E4F1: variants seen among roughly 807,000 people sequenced by gnomAD.
The protein encoded by E4F1 is transcription factor E4F1.
Under a neutral mutation model 72.9 loss-of-function variants are expected in E4F1, and 30 were observed. The observed-to-expected ratio is 0.41, with a 90% CI of 0.31 to 0.56. The LOEUF is 0.56. Ranked by LOEUF, E4F1 falls within the 20% of genes least tolerant of loss-of-function variation. The pLI is 0.25. For missense variants in E4F1, 1,091 were observed against 1,117.5 expected (o/e 0.98, Z 0.34); for synonymous variants, 542 against 478.2 (o/e 1.13, Z -1.74).
Position 2,232,259 on chromosome 16 carries a change from G to T in E4F1, c.504G>T (p.Gln168His). ...CCGAGGCCCCGGGCAGCCCCCGCCA[G>T]CAGGGGCTGGGGCTCGCAGGGGAGG... ...EMAEAPGSPR[Q>H]QGLGLAGEGE... The change falls in exon 4 of 14, where the codon CAG (glutamine) becomes CAT (histidine). Residue 168 changes from glutamine (Q) to histidine (H), a missense_variant. Coordinates refer to ENST00000301727, the MANE Select transcript of E4F1 (RefSeq NM_004424.5). The T allele has an allele frequency of 6.2e-7, 1 of 1,612,512 alleles. No homozygotes were observed.
chr16:2,230,425 G>A (rs1400725792), intron 3 of E4F1: 2 of 153,420 alleles, frequency 1.3e-5, no homozygotes, highest in African/African-American at 2.4e-5. Context: ...CGGCAGGGGC[G>A]AGTGGCTAGG....
intron 7 of E4F1, 82 bp from the exon 8 acceptor site, chr16:2,233,356 C>T: frequency 1.4e-6 from 2 of 1,431,408 alleles, no homozygotes; most frequent in Admixed American, 2.7e-5. Context: ...TTGCACAAGG[C>T]TCCTGGCGTG....
rs2093488122 is a variant in E4F1 at position 2,234,254 on chromosome 16, C to G, written c.1459C>G (p.Arg487Gly). Reference protein sequence around the residue: ...LLKKHQEVHVRERRFRCGDCG... With the variant: ...LLKKHQEVHVGERRFRCGDCG... ...CAAGAAGCACCAGGAGGTGCACGTGCGTGAGCGCCGCTTCCGCTGTGGCGA... is the reference window on the plus strand; with the variant it reads ...CAAGAAGCACCAGGAGGTGCACGTGGGTGAGCGCCGCTTCCGCTGTGGCGA... Residue 487 changes from arginine to glycine, a missense_variant, in exon 10 of 14, where the codon CGT (arginine) becomes GGT (glycine). This residue lies in a region of E4F1 where 622 missense variants were observed against 628.0 expected (regional missense o/e 0.99). Transcript: ENST00000301727. 1.2e-6 allele frequency: 2 copies of G among 1,612,780 alleles called. No individual in the cohort carries two copies. The highest frequency in any genetic ancestry group is 8.5e-7 in the Non-Finnish European group (1 of 1,179,966).
chr16:2,229,638 T>C lies in E4F1; in HGVS notation c.378T>C (p.Ser126=), dbSNP rs779227164. The C allele has an allele frequency of 3.1e-6, 5 of 1,613,002 alleles. No homozygotes were observed. The Admixed American group carries it at 8.3e-5, about 27-fold the overall frequency. Residue 126 remains serine, a synonymous_variant, in exon 3 of 14, where the codon TCT becomes TCC. Transcript: ENST00000301727. ...TVAHIVVEAA[S]LAADISHASD... ...CCCACATCGTGGTGGAGGCGGCCTC[T>C]CTGGCAGCAGACATCAGCCACGCAT...
Position 2,234,360 on chromosome 16 carries a change from C to A in E4F1, c.1565C>A (p.Pro522His). The A allele has an allele frequency of 6.2e-7, 1 of 1,612,962 alleles. No homozygotes were observed. Residue 522 changes from proline to histidine, a missense_variant, in exon 10 of 14, where the codon CCC (proline) becomes CAC (histidine). Pro to His is a moderately conservative substitution (Grantham distance 77). Transcript: ENST00000301727. Reference sequence around the variant, plus strand: ...TCAGACGAGCGGCCCTACCCTTGTCCCAAGTGTGGCAAGCGCTACAAGACT... The same window carrying A: ...TCAGACGAGCGGCCCTACCCTTGTCACAAGTGTGGCAAGCGCTACAAGACT... Reference protein sequence around the residue: ...VHSDERPYPCPKCGKRYKTKN... With the variant: ...VHSDERPYPCHKCGKRYKTKN...
At chr16:2,225,752 G>A (rs992708948) in intron 1 of E4F1, among the ~76,000 whole-genome samples, 4 of 146,618 alleles carry the variant, frequency 2.7e-5, no homozygotes, top group East Asian at 4.1e-4. Context: ...GAATACAGTC[G>A]TGCGCCACCG....
rs942760171 is a variant in E4F1 at position 2,235,336 on chromosome 16, G to A, written c.2119G>A (p.Ala707Thr). The part of the protein sequence containing the change: ...EETALGPEAA[A>T]ADTITIATPE... ...GACGGCGCTGGGCCCAGAGGCGGCT[G>A]CCGCCGACACCATCACCATCGCCAC... Residue 707 changes from alanine (A) to threonine (T), a missense_variant, in exon 14 of 14, where the codon GCC (alanine) becomes ACC (threonine). This residue lies in a region of E4F1 where 622 missense variants were observed against 628.0 expected (regional missense o/e 0.99). Transcript: ENST00000301727. 3 of 1,609,442 alleles carry A rather than the reference G, an allele frequency of 1.9e-6. No homozygotes were observed. Among genetic ancestry groups the A allele is most frequent in the Non-Finnish European group, 2.5e-6 (3 of 1,179,784 alleles).
At position 2,234,765 on chromosome 16, in the gene E4F1, G is replaced by A; in HGVS notation, c.1776G>A (p.Arg592=). ...TCGCCGAGCACGGCACGCTGAACCGGCACCTGCGCACCAAAGGTCTGGGCC... is the reference window on the plus strand; with the variant it reads ...TCGCCGAGCACGGCACGCTGAACCGACACCTGCGCACCAAAGGTCTGGGCC... ...RGFAEHGTLN[R]HLRTKGGCLL... The change falls in exon 11 of 14, where the codon CGG becomes CGA. Residue 592 remains arginine, a synonymous_variant. Transcript: ENST00000301727. 2.1e-6 allele frequency: 3 copies of A among 1,434,302 alleles called. No homozygotes were observed. The highest frequency in any genetic ancestry group is 2.1e-5 in the Admixed American group (1 of 47,558). 88.8% of individuals were successfully genotyped at this position (1,434,302 alleles called of 1,614,324 possible). A position where few individuals can be genotyped will look rare whatever the true frequency, so the allele number is the denominator to read the frequency against.
At chr16:2,228,838 CTT>C (rs1003433475) in intron 2 of E4F1, among the ~76,000 whole-genome samples, 1 of 152,200 alleles carries the variant, frequency 6.6e-6, no homozygotes, top group Non-Finnish European at 1.5e-5. Flanking sequence ...GCTTCTGTCT[CTT>C]TGGCTTATCT....
intron 2 of E4F1, 57 bp downstream of exon 2, chr16:2,228,580 G>A: frequency 6.3e-7 from 1 of 1,579,296 alleles, no homozygotes; most frequent in Non-Finnish European, 8.6e-7. Context: ...GGTGGGGGAG[G>A]TGGCCGCGCT....
intron 7 of E4F1, 66 bp from the exon 8 acceptor site, chr16:2,233,372 G>GC: frequency 6.9e-7 from 1 of 1,453,576 alleles, no homozygotes; most frequent in Non-Finnish European, 9.1e-7. Flanking sequence ...GCGTGCGTCT[G>GC]CCCCATGGGG....
At chr16:2,231,055 C>T (rs573733612) in intron 3 of E4F1, 2 of 152,556 alleles carry the variant, frequency 1.3e-5, no homozygotes, top group African/African-American at 4.8e-5. Flanking sequence ...TGCGGGCATC[C>T]TGGGTACTCT....
intron 3 of E4F1, chr16:2,231,788 G>T (rs60612119): frequency 0.013 from 2,670 of 207,818 alleles, 61 homozygotes; most frequent in African/African-American, 0.057. Flanking sequence ...GTTGGTGGGA[G>T]CAGTGGCAGG....
intron 8 of E4F1, 77 bp from the exon 9 acceptor site, chr16:2,233,805 G>T: frequency 6.9e-7 from 1 of 1,439,242 alleles, no homozygotes; most frequent in Non-Finnish European, 9.4e-7. Flanking sequence ...TGCCAGGGTG[G>T]GGCCCATGGT....
Position 2,234,279 on chromosome 16 carries a change from A to G in E4F1, c.1484A>G (p.Asp495Gly). 6.2e-7 allele frequency: 1 copy of G among 1,612,964 alleles called. No homozygotes were observed. The highest frequency in any genetic ancestry group is 8.5e-7 in the Non-Finnish European group (1 of 1,179,988). ...HVRERRFRCGDCGKLYKTIAH... is the reference protein window; with the variant it reads ...HVRERRFRCGGCGKLYKTIAH... ...CGTGAGCGCCGCTTCCGCTGTGGCG[A>G]CTGCGGGAAGCTCTACAAGACCATT... Residue 495 changes from aspartate (D) to glycine (G), a missense_variant, in exon 10 of 14, where the codon GAC becomes GGC. By Grantham distance (94) the Asp-to-Gly change is moderately conservative. This residue lies in a region of E4F1 where 622 missense variants were observed against 628.0 expected (regional missense o/e 0.99). Transcript: ENST00000301727.
At position 2,233,937 on chromosome 16, in the gene E4F1, G is replaced by A; in HGVS notation, c.1322G>A (p.Ser441Asn). 6.2e-7 allele frequency: 1 copy of A among 1,603,896 alleles called. No homozygotes were observed. Among genetic ancestry groups the A allele is most frequent in the Non-Finnish European group, 8.5e-7 (1 of 1,175,690 alleles). Residue 441 changes from serine to asparagine, a missense_variant, in exon 9 of 14, where the codon AGT (serine) becomes AAT (asparagine). This residue lies in a region of E4F1 where 622 missense variants were observed against 628.0 expected (regional missense o/e 0.99). Coordinates refer to ENST00000301727, the MANE Select transcript of E4F1 (RefSeq NM_004424.5). ...AGGACCCACCCATGTCCTCAGTGCAGTGAGACCTTCCCGACAGCAGCCACC... is the reference window on the plus strand; with the variant it reads ...AGGACCCACCCATGTCCTCAGTGCAATGAGACCTTCCCGACAGCAGCCACC... ...VPRTHPCPQCSETFPTAATLE... is the reference protein window; with the variant it reads ...VPRTHPCPQCNETFPTAATLE...
chr16:2,228,620 G>C, intron 2 of E4F1, 97 bp downstream of exon 2: 1 of 1,442,924 alleles, frequency 6.9e-7, no homozygotes, highest in Non-Finnish European at 9.4e-7. Context: ...CCGGTTCCGG[G>C]GGCCACGTGG....
intron 1 of E4F1, among the ~76,000 whole-genome samples, chr16:2,225,986 A>G (rs766620867): frequency 1.1e-4 from 16 of 151,888 alleles, no homozygotes; most frequent in Non-Finnish European, 1.5e-4. Context: ...ACAGCTTCTC[A>G]GGAGGCTGAG....
rs964563551 is a variant in E4F1, at chr16:2,235,699, A to C, written c.*127A>C. 3 of 759,152 alleles carry C rather than the reference A, an allele frequency of 4.0e-6. No homozygotes were observed. The highest frequency in any genetic ancestry group is 6.2e-6 in the Non-Finnish European group (3 of 485,852). 47.0% of individuals were successfully genotyped at this position (759,152 alleles called of 1,614,324 possible). Reference sequence around the variant, plus strand: ...AGGCGCCCCAAGACGGACAGTGTACATAAGAGTTTCTTGTTGCTTTACAAT... The same window carrying C: ...AGGCGCCCCAAGACGGACAGTGTACCTAAGAGTTTCTTGTTGCTTTACAAT... On this transcript the variant is annotated 3_prime_UTR_variant, in exon 14 of 14. Coordinates refer to ENST00000301727, the MANE Select transcript of E4F1 (RefSeq NM_004424.5).
Sources: gnomAD v4.1 joint callset for allele counts (sites outside exome capture counted in the v4.1 genomes callset) on GRCh38, gnomAD v4.1.1 for gene constraint, gnomAD v4.1.1 regional missense constraint, MANE v1.5 for transcripts, NCBI Gene and HGNC (gene_info 2026-07-23, HGNC 2026-07-21) for gene names.